The following SLC22A3 variants were observed in gnomAD, a reference collection of about 807,000 sequenced individuals.
SLC22A3 encodes the protein EMT organic cation transporter 3.
A neutral mutation model predicts 59.1 loss-of-function variants in SLC22A3; 51 were observed. The observed-to-expected ratio is 0.86, with a 90% CI of 0.69 to 1.09. SLC22A3 has a LOEUF of 1.09. Among genes scored for constraint, SLC22A3 ranks in the 50% least tolerant of loss-of-function variants. The probability of loss-of-function intolerance (pLI) is 0.00; values close to 1 mark genes in which losing one functional copy is unlikely to be tolerated. For missense variants in SLC22A3, 711 were observed against 726.3 expected, an observed-to-expected ratio of 0.98 and a Z score of 0.24; for synonymous variants, 325 against 292.0, an observed-to-expected ratio of 1.11 and a Z score of -1.15.
intron 5 of SLC22A3, among the ~76,000 whole-genome samples, chr6:160,426,575 G>A (rs531977065): frequency 3.9e-5 from 6 of 152,248 alleles, no homozygotes; most frequent in African/African-American, 1.4e-4. Context: ...AAATGGTATT[G>A]TGCCACTCCA....
At chr6:160,386,186 G>A (rs907156477) in intron 1 of SLC22A3, among the ~76,000 whole-genome samples, 3 of 152,110 alleles carry the variant, frequency 2.0e-5, no homozygotes, top group Admixed American at 2.0e-4. Flanking sequence ...GCTGCCTTTG[G>A]GGCTTTTGCT....
At chr6:160,364,903 G>A (rs1583447873) in intron 1 of SLC22A3, among the ~76,000 whole-genome samples, 1 of 152,072 alleles carries the variant, frequency 6.6e-6, no homozygotes, top group East Asian at 1.9e-4. Context: ...GCTTTTAATA[G>A]CTATGCTCTG....
At chr6:160,379,761 C>T (rs929541396) in intron 1 of SLC22A3, among the ~76,000 whole-genome samples, 1 of 152,196 alleles carries the variant, frequency 6.6e-6, no homozygotes, top group African/African-American at 2.4e-5. Context: ...CCTGTGCTCA[C>T]AAGTCACATG....
rs181550766 is a variant in SLC22A3, at chr6:160,378,843, G to T, written c.430-19136G>T. Among the ~76,000 whole-genome samples the T allele has an allele frequency of 4.6e-3, 707 of 152,260 alleles. 3 individuals carry two copies. Among genetic ancestry groups the T allele is most frequent in the African/African-American group, 0.016 (682 of 41,540 alleles). ...ATGTAATTTATTGGATATAGTATCA[G>T]TTGTTTCCCCTTGTGATCGCATCAC... On this transcript the variant is annotated intron_variant, in intron 1 of 10. Transcript: ENST00000275300.
At chr6:160,427,277 G>GTA (rs1215619251) in intron 5 of SLC22A3, among the ~76,000 whole-genome samples, 1 of 152,222 alleles carries the variant, frequency 6.6e-6, no homozygotes, top group Non-Finnish European at 1.5e-5. Context: ...GAGGAACATA[G>GTA]GCAGCATCAA....
intron 1 of SLC22A3, among the ~76,000 whole-genome samples, chr6:160,396,692 C>A (rs1481124509): frequency 6.6e-6 from 1 of 152,104 alleles, no homozygotes; most frequent in African/African-American, 2.4e-5. Flanking sequence ...TGGAGACATA[C>A]ATTTCCAACA....
chr6:160,398,633 G>A (rs1424899845), intron 2 of SLC22A3, among the ~76,000 whole-genome samples: 1 of 152,110 alleles, frequency 6.6e-6, no homozygotes, highest in African/African-American at 2.4e-5. Flanking sequence ...TGGCAGGCAT[G>A]GTGAGTGTGT....
At chr6:160,432,164 T>A (rs1253502015) in intron 5 of SLC22A3, among the ~76,000 whole-genome samples, 1 of 152,192 alleles carries the variant, frequency 6.6e-6, no homozygotes, top group Admixed American at 6.5e-5. Flanking sequence ...CGAATTGGGT[T>A]GTATGCCCAT....
At position 160,356,027 on chromosome 6, in the gene SLC22A3, G is replaced by A. The variant is rs575427251; in HGVS notation, c.429+7179G>A. Among the ~76,000 whole-genome samples, 82 of 152,300 alleles carry A rather than the reference G, an allele frequency of 5.4e-4. 1 individual carries two copies. Among genetic ancestry groups the A allele is most frequent in the African/African-American group, 1.9e-3 (81 of 41,560 alleles). On this transcript the variant is annotated intron_variant, in intron 1 of 10. Transcript: ENST00000275300. ...CTAACGCAGTGTTTGGCAAATATTT[G>A]TGATTAAATTAATGAATGAAAGAGA... is the stretch of plus-strand genomic sequence containing the variant.
In SLC22A3 at chr6:160,415,656, C is replaced by A. The variant is rs914520849; in HGVS notation, c.975+4810C>A. Among the ~76,000 whole-genome samples the A allele has an allele frequency of 6.6e-6, 1 of 152,192 alleles. No individual in the cohort carries two copies. Among genetic ancestry groups the A allele is most frequent in the Non-Finnish European group, 1.5e-5 (1 of 68,036 alleles). ...GTGTAAATGACCTCATCCTTCACGA[C>A]CTCTCTAATTCCCACCTCATTCTCA... On this transcript the variant is annotated intron_variant, in intron 5 of 10. Transcript: ENST00000275300. This position sits in a 1 kb window ranked among gnomAD's most constrained non-coding sequence, Gnocchi z 4.1.
intron 5 of SLC22A3, among the ~76,000 whole-genome samples, chr6:160,414,156 A>T (rs1269126974): frequency 1.3e-5 from 2 of 152,190 alleles, no homozygotes; most frequent in African/African-American, 4.8e-5. Flanking sequence ...GGCTTAGTAC[A>T]TTTCCATTGA....
chr6:160,425,928 A>G, intron 5 of SLC22A3: 1 of 985,474 alleles, frequency 1.0e-6, no homozygotes, highest in Non-Finnish European at 1.2e-6. Context: ...TTGGAATTCC[A>G]GAGATGGCGT....
chr6:160,369,356 C>A (rs1003539396), intron 1 of SLC22A3, among the ~76,000 whole-genome samples: 11 of 152,142 alleles, frequency 7.2e-5, no homozygotes, highest in African/African-American at 2.7e-4. Context: ...AAATGTTTAG[C>A]TCATTTACAA....
chr6:160,392,953 G>C (rs1026786062), intron 1 of SLC22A3, among the ~76,000 whole-genome samples: 4 of 151,754 alleles, frequency 2.6e-5, no homozygotes, highest in African/African-American at 9.7e-5. Context: ...CTGATTTCAA[G>C]CTAAGAGCTG....
At chr6:160,389,632 C>T (rs1786169712) in intron 1 of SLC22A3, among the ~76,000 whole-genome samples, 3 of 152,324 alleles carry the variant, frequency 2.0e-5, no homozygotes, top group South Asian at 4.1e-4. Flanking sequence ...GAGATTGGTC[C>T]CTTCTTGACC....
rs1234633872 is a variant in SLC22A3, at chr6:160,372,435, TC to T, written c.429+23589del. Among the ~76,000 whole-genome samples the T allele has an allele frequency of 2.0e-5, 3 of 152,308 alleles. No homozygotes were observed. In the East Asian group the frequency reaches 5.8e-4, roughly 29 times the overall value. On this transcript the variant is annotated intron_variant, in intron 1 of 10. Transcript: ENST00000275300. ...CTCTCTGGCTGCCCTTTACATTTTT[TC>T]CTTCATTTCAACCTTGGTGAATCTG...
chr6:160,442,383 G>A (rs1294852496), intron 7 of SLC22A3, among the ~76,000 whole-genome samples: 2 of 152,278 alleles, frequency 1.3e-5, no homozygotes, highest in East Asian at 3.9e-4. Context: ...CACCAGCTGT[G>A]GGAACGTGGT....
chr6:160,413,308 C>T (rs1787332034), intron 5 of SLC22A3, among the ~76,000 whole-genome samples: 1 of 152,216 alleles, frequency 6.6e-6, no homozygotes. Flanking sequence ...GTTCAATGTT[C>T]CACATGGCTG....
At chr6:160,362,388 G>A (rs1488414343) in intron 1 of SLC22A3, among the ~76,000 whole-genome samples, 1 of 152,224 alleles carries the variant, frequency 6.6e-6, no homozygotes, top group Non-Finnish European at 1.5e-5. Context: ...AGAGAAGGTA[G>A]CAGACGTGTA....
Sources: allele counts gnomAD v4.1 joint callset (sites outside exome capture counted in the v4.1 genomes callset), GRCh38; gene constraint gnomAD v4.1.1; non-coding constraint Gnocchi (gnomAD v3.1); transcripts MANE v1.5; gene names NCBI Gene and HGNC (gene_info 2026-07-23, HGNC 2026-07-21).